The following MTUS1 variants were observed in gnomAD, a reference collection of about 807,000 sequenced individuals.
MTUS1 encodes the protein microtubule-associated tumor suppressor 1.
MTUS1 carries 109 observed loss-of-function variants against 120.8 expected under a neutral mutation model. That is an observed-to-expected ratio of 0.90 (90% confidence interval 0.77 to 1.06). The LOEUF (loss-of-function observed/expected upper bound fraction) is 1.06, where lower values mean the gene tolerates loss of function less well. Ranked by LOEUF, MTUS1 falls within the 50% of genes least tolerant of loss-of-function variation. The pLI is 0.00. For missense variants in MTUS1, 2,210 were observed against 1,486.3 expected, an observed-to-expected ratio of 1.49 and a Z score of -8.01; for synonymous variants, 737 against 550.5, an observed-to-expected ratio of 1.34 and a Z score of -4.74.
At chr8:17,711,984 C>T (rs570377145) in intron 6 of MTUS1, among the ~76,000 whole-genome samples, 5 of 152,080 alleles carry the variant, frequency 3.3e-5, no homozygotes, top group Non-Finnish European at 5.9e-5. Flanking sequence ...TGAGCATGGT[C>T]CATGGTGTCC....
chr8:17,786,859 G>A lies in MTUS1; in HGVS notation c.-155+14202C>T, dbSNP rs75766670. 1.4e-4 allele frequency among the ~76,000 whole-genome samples: 21 copies of A among 152,252 alleles called. No homozygotes were observed. The East Asian group carries it at 3.5e-3, about 25-fold the overall frequency. ...CTTTATCACAAGAGACTTTCGCTCA[G>A]GCCACAGTACATCAGTTCTTCGGAT... On this transcript the variant is annotated intron_variant, in intron 1 of 14. Transcript: ENST00000693296.
At chr8:17,776,923 G>A (rs1484788546) in intron 1 of MTUS1, among the ~76,000 whole-genome samples, 1 of 151,874 alleles carries the variant, frequency 6.6e-6, no homozygotes, top group South Asian at 2.1e-4. Context: ...TTGCGCTTTC[G>A]GAGAGCAATT....
Position 17,758,085 on chromosome 8 carries a change from A to C in MTUS1, c.-154-2124T>G, listed in dbSNP as rs997818419. ...TGTCACAGTACTGTTGTAAAGAAAA[A>C]AAAATATCCATGAGGGAGGGAAAAA... On this transcript the variant is annotated intron_variant, in intron 1 of 14. Coordinates refer to ENST00000693296, the MANE Select transcript of MTUS1 (RefSeq NM_001363059.2). 5 of 152,242 alleles carry C rather than the reference A, an allele frequency of 3.3e-5. No individual in the cohort carries two copies. The East Asian group carries it at 7.7e-4, about 23-fold the overall frequency. 9.4% of individuals were successfully genotyped at this position (152,242 alleles called of 1,614,324 possible).
intron 3 of MTUS1, among the ~76,000 whole-genome samples, chr8:17,735,978 T>C (rs2046897924): frequency 6.6e-6 from 1 of 152,208 alleles, no homozygotes; most frequent in African/African-American, 2.4e-5. Flanking sequence ...TTGGAACGAT[T>C]TGCTTAGACA....
chr8:17,654,884 T>C, intron 9 of MTUS1: 1 of 563,830 alleles, frequency 1.8e-6, no homozygotes. Flanking sequence ...AGCCCAGCAG[T>C]TCAAGTCCAG....
At chr8:17,721,928 AG>A in intron 4 of MTUS1, 2 of 1,601,310 alleles carry the variant, frequency 1.2e-6, no homozygotes, top group Non-Finnish European at 1.7e-6. Context: ...AAGCTTAAGC[AG>A]GAAAAACTGC....
At chr8:17,793,184 G>A (rs544549676) in intron 1 of MTUS1, among the ~76,000 whole-genome samples, 11 of 152,276 alleles carry the variant, frequency 7.2e-5, no homozygotes, top group Admixed American at 2.6e-4. Context: ...AATCAATTAC[G>A]TACATGTATT....
chr8:17,735,314 T>C (rs747106244), intron 3 of MTUS1, among the ~76,000 whole-genome samples: 6 of 152,080 alleles, frequency 3.9e-5, no homozygotes, highest in East Asian at 3.9e-4. Context: ...AAGGCGGCGG[T>C]TGGGGAGACA....
At chr8:17,767,394 A>G (rs1238276159) in intron 1 of MTUS1, among the ~76,000 whole-genome samples, 1 of 151,822 alleles carries the variant, frequency 6.6e-6, no homozygotes, top group Non-Finnish European at 1.5e-5. Context: ...TTAAAAAAAA[A>G]GAGTGAGAGG....
intron 1 of MTUS1, among the ~76,000 whole-genome samples, chr8:17,794,709 T>G (rs576107583): frequency 6.6e-6 from 1 of 152,240 alleles, no homozygotes; most frequent in Non-Finnish European, 1.5e-5. Flanking sequence ...ATTAACAGTA[T>G]AGCAGTTTAC....
At chr8:17,750,315 C>A (rs2048092976) in intron 2 of MTUS1, among the ~76,000 whole-genome samples, 1 of 152,176 alleles carries the variant, frequency 6.6e-6, no homozygotes, top group Non-Finnish European at 1.5e-5. Flanking sequence ...CTGTCTCTGG[C>A]TAGGTTAAAT....
At chr8:17,697,454 G>C (rs1237747636) in intron 6 of MTUS1, 2 of 1,557,036 alleles carry the variant, frequency 1.3e-6, no homozygotes, top group Admixed American at 1.8e-5. Context: ...TTTAAACTCA[G>C]TACTCTTCAA....
chr8:17,767,405 A>C (rs1019657378), intron 1 of MTUS1, among the ~76,000 whole-genome samples: 2 of 151,786 alleles, frequency 1.3e-5, no homozygotes, highest in South Asian at 2.1e-4. Context: ...GAGTGAGAGG[A>C]GGTAAAAGGG....
chr8:17,664,237 T>C (rs994024310), intron 8 of MTUS1, among the ~76,000 whole-genome samples: 5 of 152,200 alleles, frequency 3.3e-5, no homozygotes, highest in Non-Finnish European at 5.9e-5. Flanking sequence ...CTTGACATTA[T>C]ACGCAATAGA....
At chr8:17,650,837 C>G (rs921205582) in intron 12 of MTUS1, among the ~76,000 whole-genome samples, 1 of 152,198 alleles carries the variant, frequency 6.6e-6, no homozygotes, top group African/African-American at 2.4e-5. Flanking sequence ...CTAAACCATT[C>G]AAAATTTATG....
chr8:17,705,790 A>G (rs1357682007), intron 6 of MTUS1: 2 of 152,326 alleles, frequency 1.3e-5, no homozygotes, highest in East Asian at 1.9e-4. Flanking sequence ...GGACCAGTGC[A>G]TTTTCTACCT....
intron 1 of MTUS1, among the ~76,000 whole-genome samples, chr8:17,777,269 T>C (rs2050521032): frequency 6.6e-6 from 1 of 151,908 alleles, no homozygotes; most frequent in Admixed American, 6.6e-5. Flanking sequence ...AAACTCCATC[T>C]CTACTAAAAG....
At chr8:17,681,403 A>G (rs1264808157) in intron 7 of MTUS1, among the ~76,000 whole-genome samples, 3 of 152,220 alleles carry the variant, frequency 2.0e-5, no homozygotes, top group Non-Finnish European at 4.4e-5. Context: ...TTTACAGGAC[A>G]TTTTTAGTTG....
chr8:17,755,547 A>T lies in MTUS1; in HGVS notation c.261T>A (p.Ser87Arg). ...VEVFGHEKSS[S>R]DFISKQVLDM... Reference sequence around the variant, plus strand: ...CTAACACCTGCTTACTAATGAAATCACTAGAAGACTTTTCATGACCAAATA... The same window carrying T: ...CTAACACCTGCTTACTAATGAAATCTCTAGAAGACTTTTCATGACCAAATA... The change falls in exon 2 of 15, where the codon AGT becomes AGA. Residue 87 changes from serine (S) to arginine (R), a missense_variant. Transcript: ENST00000693296. 6.2e-7 allele frequency: 1 copy of T among 1,614,206 alleles called. No homozygotes were observed. Among genetic ancestry groups the T allele is most frequent in the Non-Finnish European group, 8.5e-7 (1 of 1,180,020 alleles).
Sources: gnomAD v4.1 joint callset for allele counts (sites outside exome capture counted in the v4.1 genomes callset) on GRCh38, gnomAD v4.1.1 for gene constraint, MANE v1.5 for transcripts, NCBI Gene and HGNC (gene_info 2026-07-23, HGNC 2026-07-21) for gene names.